Variants in DDX60L observed in about 807,000 individuals in gnomAD.
DDX60L encodes probable ATP-dependent RNA helicase DDX60-like.
Under a neutral mutation model 211.6 loss-of-function variants are expected in DDX60L, and 191 were observed. That is an observed-to-expected ratio of 0.90 (90% CI 0.80 to 1.02). The LOEUF is 1.02. DDX60L is among the 50% of genes least tolerant of loss of function. DDX60L has a pLI of 0.00. For synonymous variants in DDX60L, 706 were observed against 694.1 expected, an observed-to-expected ratio of 1.02 and a Z score of -0.27; for missense variants, 2,007 against 1,984.1, an observed-to-expected ratio of 1.01 and a Z score of -0.22.
intron 25 of DDX60L, 132 bp downstream of exon 25, chr4:168,403,850 T>G (rs1747264228): frequency 4.6e-6 from 2 of 439,070 alleles, no homozygotes; most frequent in Non-Finnish European, 7.7e-6. Context: ...TATATTATTT[T>G]TCTAAAATGC....
In DDX60L at chr4:168,462,655, A is replaced by C. The variant is rs1331628929; in HGVS notation, c.265-615T>G. Among the ~76,000 whole-genome samples, 4 of 152,132 alleles carry C rather than the reference A, an allele frequency of 2.6e-5. No homozygotes were observed. In the East Asian group the frequency reaches 7.7e-4, roughly 29 times the overall value. On this transcript the variant is annotated intron_variant, in intron 4 of 37. Coordinates refer to ENST00000682922, the MANE Select transcript of DDX60L (RefSeq NM_001012967.3). ...TGGTGAAACCCTGTTTCTACTAAAA[A>C]TACAAAAATTAGCTGGGCGCAGTGG... is the stretch of plus-strand genomic sequence containing the variant.
At position 168,379,943 on chromosome 4, in the gene DDX60L, T is replaced by C. The variant is rs1299896051; in HGVS notation, c.4117-113A>G. 4.8e-6 allele frequency: 3 copies of C among 629,334 alleles called. No individual in the cohort carries two copies. In the African/African-American group the frequency reaches 5.7e-5, roughly 12 times the overall value. The allele number at this position is 629,334 out of a possible 1,614,324, so 39.0% of individuals were successfully genotyped here. On this transcript the variant is annotated intron_variant, in intron 30 of 37. Transcript: ENST00000682922. ...ATAGATAAGGTTACCAGATCTTACGTGAAAGTAAATTTCATTTGATTTCAT... is the reference window on the plus strand; with the variant it reads ...ATAGATAAGGTTACCAGATCTTACGCGAAAGTAAATTTCATTTGATTTCAT...
Position 168,396,000 on chromosome 4 carries a change from C to T in DDX60L, c.3616G>A (p.Val1206Ile), listed in dbSNP as rs747881541. Residue 1206 changes from valine to isoleucine, a missense_variant, in exon 27 of 38, where the codon GTC becomes ATC. Physicochemically the swap from Val to Ile is conservative, Grantham distance 29. Coordinates refer to ENST00000682922, the MANE Select transcript of DDX60L (RefSeq NM_001012967.3). ...GTAATTTCAGTGTGTAGGGCTTTGA[C>T]ATCAGCATACGTGCAGTCCTCAGAA... ...EISEDCTYAD[V>I]KALHTEITRN... is the part of the protein sequence containing the mutation. 3 of 1,610,872 alleles carry T rather than the reference C, an allele frequency of 1.9e-6. No individual in the cohort carries two copies. Among genetic ancestry groups the T allele is most frequent in the Non-Finnish European group, 2.5e-6 (3 of 1,178,224 alleles).
chr4:168,441,312 C>G lies in DDX60L; in HGVS notation c.1294+25G>C, dbSNP rs759156469. 1.9e-6 allele frequency: 3 copies of G among 1,552,272 alleles called. No individual in the cohort carries two copies. The African/African-American group carries it at 4.1e-5, about 21-fold the overall frequency. ...TGTTCAGGACAAACATGCTTTTGTT[C>G]CACTTTAATTTACCCATTTAGTACC... On this transcript the variant is annotated intron_variant, in intron 10 of 37. Transcript: ENST00000682922.
intron 36 of DDX60L, among the ~76,000 whole-genome samples, chr4:168,365,906 C>T (rs1739901969): frequency 6.6e-6 from 1 of 152,020 alleles, no homozygotes; most frequent in Non-Finnish European, 1.5e-5. Context: ...ATAGCATTAA[C>T]AGGAAAACAA....
At chr4:168,359,400 T>C (rs1032675805) in intron 37 of DDX60L, among the ~76,000 whole-genome samples, 102 of 152,346 alleles carry the variant, frequency 6.7e-4, no homozygotes, top group African/African-American at 2.2e-3. Context: ...TATTCCCTAC[T>C]TTCATTAACA....
chr4:168,365,861 AT>A (rs1171076050), intron 36 of DDX60L, among the ~76,000 whole-genome samples: 1 of 152,162 alleles, frequency 6.6e-6, no homozygotes, highest in Non-Finnish European at 1.5e-5. Context: ...GAATGCAAGG[AT>A]AGTGCAATAT....
At chr4:168,423,156 A>G (rs1449361746) in intron 15 of DDX60L, among the ~76,000 whole-genome samples, 1 of 152,108 alleles carries the variant, frequency 6.6e-6, no homozygotes, top group Non-Finnish European at 1.5e-5. Context: ...TTTAAGTAAG[A>G]AGAGTTTTCC....
At chr4:168,438,067 G>A (rs1753312306) in intron 10 of DDX60L, among the ~76,000 whole-genome samples, 1 of 152,090 alleles carries the variant, frequency 6.6e-6, no homozygotes. Flanking sequence ...TAAAGATGGG[G>A]TTTTACTGTG....
At chr4:168,449,194 A>T (rs1372839124) in intron 8 of DDX60L, among the ~76,000 whole-genome samples, 4 of 152,046 alleles carry the variant, frequency 2.6e-5, no homozygotes, top group Admixed American at 2.6e-4. Context: ...GAGCAGGAAG[A>T]AGTTAGAGCG....
chr4:168,409,192 G>C (rs1324281566), intron 22 of DDX60L, among the ~76,000 whole-genome samples: 5 of 152,184 alleles, frequency 3.3e-5, no homozygotes, highest in Non-Finnish European at 7.3e-5. Context: ...AAGTATCACA[G>C]AGTAAAGAGC....
intron 13 of DDX60L, among the ~76,000 whole-genome samples, chr4:168,427,959 T>C (rs959493147): frequency 3.9e-5 from 6 of 152,156 alleles, no homozygotes; most frequent in African/African-American, 1.4e-4. Context: ...CTGAGTGAGC[T>C]CCCATCAGTT....
intron 10 of DDX60L, among the ~76,000 whole-genome samples, chr4:168,436,856 C>A (rs575196672): frequency 2.6e-3 from 390 of 152,222 alleles, no homozygotes; most frequent in Non-Finnish European, 4.5e-3. Flanking sequence ...TGCCATCTTG[C>A]CATTTTGAGC....
chr4:168,417,635 T>C (rs1360363665), intron 19 of DDX60L, among the ~76,000 whole-genome samples: 3 of 152,252 alleles, frequency 2.0e-5, no homozygotes. Flanking sequence ...CATTTACTTA[T>C]TTAATTGCTC....
rs1742424909 is a variant in DDX60L at position 168,378,838 on chromosome 4, G to C, written c.4364-363C>G. Among the ~76,000 whole-genome samples, 2 of 152,048 alleles carry C rather than the reference G, an allele frequency of 1.3e-5. 1 individual carries two copies. Among genetic ancestry groups the C allele is most frequent in the South Asian group, 4.1e-4 (2 of 4,830 alleles). ...ATCCCTCCTTTACTCAAAAACCTTT[G>C]AGGGTATCTCAACGGCTAATTGAAA... is the stretch of plus-strand genomic sequence containing the variant. On this transcript the variant is annotated intron_variant, in intron 32 of 37. Transcript: ENST00000682922.
chr4:168,396,787 A>G (rs1018988131), intron 26 of DDX60L, among the ~76,000 whole-genome samples: 1 of 151,670 alleles, frequency 6.6e-6, no homozygotes, highest in Non-Finnish European at 1.5e-5. Context: ...TCCAAAAAAT[A>G]TACACAACAA....
rs551790218 is a variant in DDX60L at position 168,401,820 on chromosome 4, C to T, written c.3339-842G>A. Among the ~76,000 whole-genome samples the T allele has an allele frequency of 9.1e-4, 139 of 152,258 alleles. 5 individuals are homozygous for T. The South Asian group carries it at 0.024, about 26-fold the overall frequency. ...TTAGCTGATCAGCATTAAATTAATA[C>T]ACTGAAGAAACAAAGACTAGGAAAG... is the stretch of plus-strand genomic sequence containing the variant. On this transcript the variant is annotated intron_variant, in intron 25 of 37. Coordinates refer to ENST00000682922, the MANE Select transcript of DDX60L (RefSeq NM_001012967.3).
chr4:168,358,452 T>C (rs531402447), intron 37 of DDX60L, among the ~76,000 whole-genome samples, 176 bp from the exon 38 acceptor site: 2 of 151,976 alleles, frequency 1.3e-5, no homozygotes, highest in South Asian at 2.1e-4. Flanking sequence ...CTTTACAACA[T>C]ACATCATGTA....
chr4:168,468,170 T>TAATAAATA (rs74385831), intron 4 of DDX60L, among the ~76,000 whole-genome samples: 115 of 150,218 alleles, frequency 7.7e-4, no homozygotes, highest in South Asian at 2.1e-3. Context: ...CCATCTCAAA[T>TAATAAATA]AATAAATAAA....
Sources: gnomAD v4.1 joint callset for allele counts (sites outside exome capture counted in the v4.1 genomes callset) on GRCh38, gnomAD v4.1.1 for gene constraint, MANE v1.5 for transcripts, NCBI Gene and HGNC (gene_info 2026-07-23, HGNC 2026-07-21) for gene names.